Variants in NEGR1 observed in about 807,000 individuals in gnomAD.
The protein encoded by NEGR1 is IgLON family member 4.
In NEGR1, 10 loss-of-function variants were observed where a neutral mutation model predicts 40.9. The ratio of observed to expected loss-of-function variants is 0.24; its 90% CI spans 0.15 to 0.42. NEGR1 has a LOEUF of 0.42. Among genes scored for constraint, NEGR1 ranks in the 10% least tolerant of loss-of-function variants. The pLI is 1.00. For synonymous variants in NEGR1, 185 were observed against 166.8 expected (o/e 1.11, Z -0.84); for missense variants, 352 against 438.9 (o/e 0.80, Z 1.77).
At chr1:71,465,496 A>T (rs576294445) in intron 6 of NEGR1, among the ~76,000 whole-genome samples, 1 of 152,210 alleles carries the variant, frequency 6.6e-6, no homozygotes, top group Admixed American at 6.6e-5. Context: ...ATGTGCACAC[A>T]TGTTGATTTG....
chr1:71,560,813 T>G (rs1187154456), intron 6 of NEGR1, among the ~76,000 whole-genome samples: 7 of 151,550 alleles, frequency 4.6e-5, no homozygotes, highest in Admixed American at 2.6e-4. Flanking sequence ...TTGTCTTCCC[T>G]GAAGTAGGAA....
intron 2 of NEGR1, among the ~76,000 whole-genome samples, chr1:71,777,610 C>A (rs1656556990): frequency 1.3e-5 from 2 of 152,086 alleles, no homozygotes; most frequent in East Asian, 1.9e-4. Context: ...TTACTGAAAT[C>A]TTTTTAATTG....
At chr1:71,745,118 C>A (rs1239127962) in intron 3 of NEGR1, among the ~76,000 whole-genome samples, 1 of 151,898 alleles carries the variant, frequency 6.6e-6, no homozygotes. Flanking sequence ...TTTTTGAGGT[C>A]CTACAAACTG....
intron 6 of NEGR1, among the ~76,000 whole-genome samples, chr1:71,541,036 C>A (rs1647688843): frequency 6.6e-6 from 1 of 151,480 alleles, no homozygotes; most frequent in African/African-American, 2.4e-5. Flanking sequence ...GGGATCCACC[C>A]CCATGATCAA....
At chr1:71,766,023 A>G (rs1181361130) in intron 3 of NEGR1, among the ~76,000 whole-genome samples, 2 of 152,096 alleles carry the variant, frequency 1.3e-5, no homozygotes, top group African/African-American at 4.8e-5. Context: ...AAAATACAAA[A>G]ATTAGCTGGG....
intron 1 of NEGR1, among the ~76,000 whole-genome samples, chr1:72,121,410 T>A (rs1028707531): frequency 4.6e-5 from 7 of 152,004 alleles, no homozygotes; most frequent in Non-Finnish European, 1.0e-4. Context: ...GTATCATACC[T>A]AAGCATAGGT....
At chr1:72,038,380 TAAG>T (rs763760128) in intron 1 of NEGR1, among the ~76,000 whole-genome samples, 2 of 152,010 alleles carry the variant, frequency 1.3e-5, no homozygotes, top group Non-Finnish European at 2.9e-5. Flanking sequence ...TATATTCTCA[TAAG>T]AAGTTCATAT....
Position 71,406,554 on chromosome 1 carries a change from T to C in NEGR1, c.*892A>G, listed in dbSNP as rs1409264301. 2 of 152,086 alleles carry C rather than the reference T, an allele frequency of 1.3e-5. No homozygotes were observed. The highest frequency in any genetic ancestry group is 2.9e-5 in the Non-Finnish European group (2 of 67,930). 9.4% of individuals were successfully genotyped at this position (152,086 alleles called of 1,614,324 possible). The stretch of plus-strand genomic sequence containing the variant: ...AAAGGGAATGATTTCCCACGGTGGA[T>C]CTAACATTTAGCTACAACTAAAGAA... On this transcript the variant is annotated 3_prime_UTR_variant, in exon 7 of 7. Transcript: ENST00000357731.
At chr1:71,648,755 A>G (rs1464738259) in intron 4 of NEGR1, among the ~76,000 whole-genome samples, 2 of 152,050 alleles carry the variant, frequency 1.3e-5, no homozygotes, top group Non-Finnish European at 2.9e-5. Flanking sequence ...TTGAGCCTTT[A>G]AATGATGCCC....
intron 1 of NEGR1, among the ~76,000 whole-genome samples, chr1:72,154,571 G>T (rs1651290450): frequency 1.3e-5 from 2 of 152,078 alleles, no homozygotes; most frequent in Admixed American, 6.6e-5. Flanking sequence ...AATATTTTTA[G>T]CTGGTTCAAA....
chr1:71,777,203 T>C (rs963221074), intron 2 of NEGR1, among the ~76,000 whole-genome samples: 7 of 152,144 alleles, frequency 4.6e-5, no homozygotes, highest in African/African-American at 1.7e-4. Context: ...ATTGGCTAAC[T>C]GCATTATTTA....
intron 1 of NEGR1, among the ~76,000 whole-genome samples, chr1:72,015,374 G>T (rs1420180444): frequency 6.6e-6 from 1 of 151,598 alleles, no homozygotes; most frequent in Non-Finnish European, 1.5e-5. Context: ...TCACAAAAAT[G>T]CATCTTTCAT....
At chr1:71,701,212 C>T (rs1653680820) in intron 3 of NEGR1, among the ~76,000 whole-genome samples, 1 of 151,978 alleles carries the variant, frequency 6.6e-6, no homozygotes, top group Non-Finnish European at 1.5e-5. Context: ...CAGTGTCTCA[C>T]TGGATTAAAA....
At chr1:72,133,054 C>T (rs1264204024) in intron 1 of NEGR1, among the ~76,000 whole-genome samples, 1 of 152,046 alleles carries the variant, frequency 6.6e-6, no homozygotes, top group Non-Finnish European at 1.5e-5. Flanking sequence ...GCTACCACTC[C>T]TTTAAAATGT....
chr1:71,562,679 G>T (rs749334335), intron 6 of NEGR1, among the ~76,000 whole-genome samples: 25 of 151,948 alleles, frequency 1.6e-4, no homozygotes, highest in South Asian at 8.3e-4. Flanking sequence ...TTTAGGGGCT[G>T]TGTTCTTTCC....
chr1:71,671,900 T>C (rs2101600647), intron 4 of NEGR1, among the ~76,000 whole-genome samples: 1 of 149,706 alleles, frequency 6.7e-6, no homozygotes, highest in East Asian at 1.9e-4. Context: ...TCTCTTTTTT[T>C]TTTTTTTTTT....
At chr1:71,619,974 G>GTAT (rs1247520823) in intron 4 of NEGR1, among the ~76,000 whole-genome samples, 2 of 151,908 alleles carry the variant, frequency 1.3e-5, no homozygotes, top group Non-Finnish European at 2.9e-5. Flanking sequence ...CATGTAGAGA[G>GTAT]TATTATTATT....
intron 3 of NEGR1, among the ~76,000 whole-genome samples, chr1:71,752,173 G>T (rs1351204225): frequency 6.6e-6 from 1 of 152,170 alleles, no homozygotes; most frequent in African/African-American, 2.4e-5. Flanking sequence ...TTAAATAAGA[G>T]ATGGGGTCCT....
At chr1:71,580,786 A>T (rs1649110785) in intron 6 of NEGR1, among the ~76,000 whole-genome samples, 1 of 152,126 alleles carries the variant, frequency 6.6e-6, no homozygotes, top group African/African-American at 2.4e-5. Context: ...TCCATTTTAC[A>T]GATGGACTAA....
Sources: gnomAD v4.1 joint callset for allele counts (sites outside exome capture counted in the v4.1 genomes callset) on GRCh38, gnomAD v4.1.1 for gene constraint, MANE v1.5 for transcripts, NCBI Gene and HGNC (gene_info 2026-07-23, HGNC 2026-07-21) for gene names.